Variants in FBH1 observed in about 807,000 individuals in gnomAD.
FBH1 encodes DNA 3'-5' helicase 1.
In FBH1, 43 loss-of-function variants were observed where a neutral mutation model predicts 115.5. That is an observed-to-expected ratio of 0.37 (90% CI 0.29 to 0.48). The LOEUF (loss-of-function observed/expected upper bound fraction) is 0.48. Ranked by LOEUF, FBH1 falls within the 20% of genes least tolerant of loss-of-function variation. FBH1 has a pLI of 0.99. For synonymous variants in FBH1, 524 were observed against 507.8 expected (o/e 1.03, Z -0.43); for missense variants, 1,001 against 1,337.3 (o/e 0.75, Z 3.92).
Position 5,936,339 on chromosome 10 carries a change from C to G in FBH1, c.2830-117C>G, listed in dbSNP as rs373893301. 33 of 1,233,664 alleles carry G rather than the reference C, an allele frequency of 2.7e-5. No homozygotes were observed. In the African/African-American group the frequency reaches 4.3e-4, roughly 16 times the overall value. 76.4% of individuals were successfully genotyped at this position (1,233,664 alleles called of 1,614,324 possible). On this transcript the variant is annotated intron_variant, in intron 19 of 20. Coordinates refer to ENST00000362091, the MANE Select transcript of FBH1 (RefSeq NM_178150.3). The surrounding 1 kb of genome is among the most constrained non-coding windows in gnomAD (Gnocchi z 5.6). ...GGAGAACGGGTTAGGCGGGGTTTTTCTCTCTGGGACTTACAGTGCATCTAA... is the reference window on the plus strand; with the variant it reads ...GGAGAACGGGTTAGGCGGGGTTTTTGTCTCTGGGACTTACAGTGCATCTAA...
intron 3 of FBH1, 56 bp from the exon 4 acceptor site, chr10:5,908,869 C>T (rs1340736677): frequency 2.5e-6 from 4 of 1,598,350 alleles, no homozygotes; most frequent in Non-Finnish European, 1.7e-6. Flanking sequence ...CCTCATTAAT[C>T]TGCTTTCTAA....
chr10:5,924,856 G>A lies in FBH1; in HGVS notation c.2596+348G>A. 1 of 412,502 alleles carries A rather than the reference G, an allele frequency of 2.4e-6. No homozygotes were observed. The highest frequency in any genetic ancestry group is 3.0e-5 in the Admixed American group (1 of 33,826). The allele number at this position is 412,502 out of a possible 1,614,324, so 25.6% of individuals were successfully genotyped here. On this transcript the variant is annotated intron_variant, in intron 17 of 20. Coordinates refer to ENST00000362091, the MANE Select transcript of FBH1 (RefSeq NM_178150.3). The surrounding 1 kb of genome is among the most constrained non-coding windows in gnomAD (Gnocchi z 6.2). ...GCTAGAATTACAGGCGTGAGCCACT[G>A]CGCCCAGCCTCTTCTGCTGTTTCTT...
intron 2 of FBH1, among the ~76,000 whole-genome samples, chr10:5,905,790 C>T (rs1025239755): frequency 3.3e-5 from 5 of 152,142 alleles, no homozygotes; most frequent in African/African-American, 1.2e-4. Context: ...GGGAGTATTG[C>T]TGGCCATCAC....
chr10:5,904,767 C>G (rs1458113914), intron 2 of FBH1, among the ~76,000 whole-genome samples: 1 of 151,940 alleles, frequency 6.6e-6, no homozygotes, highest in Non-Finnish European at 1.5e-5. Context: ...TGGATTTAAC[C>G]TGTAGTAATA....
intron 1 of FBH1, among the ~76,000 whole-genome samples, chr10:5,898,185 C>G (rs2131850863): frequency 6.6e-6 from 1 of 152,300 alleles, no homozygotes; most frequent in East Asian, 1.9e-4. Flanking sequence ...CGCTTATAAG[C>G]AGAAGTCTCT....
rs995901159 is a variant in FBH1, at chr10:5,913,276, T to C, written c.1212-471T>C. On this transcript the variant is annotated intron_variant, in intron 6 of 20. Coordinates refer to ENST00000362091, the MANE Select transcript of FBH1 (RefSeq NM_178150.3). The surrounding 1 kb of genome is among the most constrained non-coding windows in gnomAD (Gnocchi z 4.4). ...TTTCTTGGGACCTTAAAAGATAGAATGTGTTCATGCGTCTAAAGCAATGTC... is the reference window on the plus strand; with the variant it reads ...TTTCTTGGGACCTTAAAAGATAGAACGTGTTCATGCGTCTAAAGCAATGTC... Among the ~76,000 whole-genome samples the C allele has an allele frequency of 3.3e-5, 5 of 152,208 alleles. No individual in the cohort carries two copies. The highest frequency in any genetic ancestry group is 5.9e-5 in the Non-Finnish European group (4 of 68,042).
rs961080533 is a variant in FBH1 at position 5,910,884 on chromosome 10, G to A, written c.1021-54G>A. 63 of 1,500,806 alleles carry A rather than the reference G, an allele frequency of 4.2e-5. No individual in the cohort carries two copies. Among genetic ancestry groups the A allele is most frequent in the Middle Eastern group, 2.1e-4 (1 of 4,694 alleles). The allele number at this position is 1,500,806 out of a possible 1,614,324, so 93.0% of individuals were successfully genotyped here. ...TCCTGACTCCTTCCTGCTGTGATTC[G>A]TATTAACCATGGCCTGTGGGCTGTC... On this transcript the variant is annotated intron_variant, in intron 5 of 20. Coordinates refer to ENST00000362091, the MANE Select transcript of FBH1 (RefSeq NM_178150.3). The surrounding 1 kb of genome is among the most constrained non-coding windows in gnomAD (Gnocchi z 4.8).
Position 5,897,376 on chromosome 10 carries a change from G to A in FBH1, c.2-5644G>A, listed in dbSNP as rs1449292619. Among the ~76,000 whole-genome samples, 2 of 150,566 alleles carry A rather than the reference G, an allele frequency of 1.3e-5. No individual in the cohort carries two copies. Among genetic ancestry groups the A allele is most frequent in the Non-Finnish European group, 2.9e-5 (2 of 67,824 alleles). ...GTGTAAAGCGTGTAATTGCAGAGGA[G>A]GTGGACACAGGGCTCCTGCGGAGGA... On this transcript the variant is annotated intron_variant, in intron 1 of 20. Transcript: ENST00000362091. The surrounding 1 kb of genome is among the most constrained non-coding windows in gnomAD (Gnocchi z 4.7).
In FBH1 at chr10:5,913,988, C is replaced by G; in HGVS notation, c.1304+149C>G. On this transcript the variant is annotated intron_variant, in intron 7 of 20. Transcript: ENST00000362091. This position sits in a 1 kb window ranked among gnomAD's most constrained non-coding sequence, Gnocchi z 4.4. ...ACTCACCCATCCTAAGAGTGTGATT[C>G]AGTGACATTGCCTGAGCTGTGCATC... is the stretch of plus-strand genomic sequence containing the variant. 4.9e-6 allele frequency: 4 copies of G among 811,022 alleles called. No homozygotes were observed. In the East Asian group the frequency reaches 7.9e-5, roughly 16 times the overall value. 50.2% of individuals were successfully genotyped at this position (811,022 alleles called of 1,614,324 possible).
chr10:5,925,354 G>T lies in FBH1; in HGVS notation c.2597-13G>T, dbSNP rs1476779415. The T allele has an allele frequency of 3.1e-6, 5 of 1,613,770 alleles. No individual in the cohort carries two copies. The highest frequency in any genetic ancestry group is 3.3e-4 in the Middle Eastern group (2 of 6,062). ...TGAAGCACCATCTAACGTGTGCTGTGTTTTTATCCTAGAGTACATTCTGGG... is the reference window on the plus strand; with the variant it reads ...TGAAGCACCATCTAACGTGTGCTGTTTTTTTATCCTAGAGTACATTCTGGG... On this transcript the variant is annotated splice_polypyrimidine_tract_variant and intron_variant, in intron 17 of 20. Transcript: ENST00000362091. This position sits in a 1 kb window ranked among gnomAD's most constrained non-coding sequence, Gnocchi z 4.6.
intron 6 of FBH1, among the ~76,000 whole-genome samples, chr10:5,912,361 T>TAA (rs34703842): frequency 2.8e-4 from 39 of 138,394 alleles, no homozygotes; most frequent in East Asian, 1.5e-3. Flanking sequence ...AGGCTCTGTC[T>TAA]AAAAAAAAAA....
rs370009539 is a variant in FBH1 at position 5,914,295 on chromosome 10, G to C, written c.1396+26G>C. 1.9e-6 allele frequency: 3 copies of C among 1,606,202 alleles called. No homozygotes were observed. The highest frequency in any genetic ancestry group is 2.2e-5 in the South Asian group (2 of 90,872). On this transcript the variant is annotated intron_variant, in intron 8 of 20. Coordinates refer to ENST00000362091, the MANE Select transcript of FBH1 (RefSeq NM_178150.3). This position sits in a 1 kb window ranked among gnomAD's most constrained non-coding sequence, Gnocchi z 5.2. Reference sequence around the variant, plus strand: ...GTAAGGGAGCCCACATCAGGTTCACGAGGTGGTGGTTTTCTGCCTTTTCTC... The same window carrying C: ...GTAAGGGAGCCCACATCAGGTTCACCAGGTGGTGGTTTTCTGCCTTTTCTC...
In FBH1 at chr10:5,913,703, G is replaced by T. The variant is rs1313655986; in HGVS notation, c.1212-44G>T. 1.5e-6 allele frequency: 2 copies of T among 1,370,870 alleles called. No individual in the cohort carries two copies. Among genetic ancestry groups the T allele is most frequent in the South Asian group, 1.4e-5 (1 of 71,514 alleles). The allele number at this position is 1,370,870 out of a possible 1,614,324, so 84.9% of individuals were successfully genotyped here. A position where few individuals can be genotyped will look rare whatever the true frequency, so the allele number is the denominator to read the frequency against. Reference sequence around the variant, plus strand: ...TGAGGAAAAATAAGATGCAGATTGTGACTTGAATTTGAGACTTTCTAAATC... The same window carrying T: ...TGAGGAAAAATAAGATGCAGATTGTTACTTGAATTTGAGACTTTCTAAATC... On this transcript the variant is annotated intron_variant, in intron 6 of 20. Transcript: ENST00000362091. This position sits in a 1 kb window ranked among gnomAD's most constrained non-coding sequence, Gnocchi z 4.4.
rs141085096 is a variant in FBH1 at position 5,908,490 on chromosome 10, A to C, written c.754-435A>C. Among the ~76,000 whole-genome samples, 20 of 152,372 alleles carry C rather than the reference A, an allele frequency of 1.3e-4. No individual in the cohort carries two copies. The East Asian group carries it at 3.8e-3, about 29-fold the overall frequency. On this transcript the variant is annotated intron_variant, in intron 3 of 20. Coordinates refer to ENST00000362091, the MANE Select transcript of FBH1 (RefSeq NM_178150.3). ...GACCCAGTTCTCCTAGTTTCCAACA[A>C]AAATTTGTGTAACATTTCTGCCTGA...
At chr10:5,894,983 G>A (rs1842929120) in intron 1 of FBH1, 1 of 1,547,510 alleles carries the variant, frequency 6.5e-7, no homozygotes, top group East Asian at 2.3e-5. Flanking sequence ...TGGCTTGAGT[G>A]AATACTTTTA....
Position 5,925,848 on chromosome 10 carries a change from A to AT in FBH1, c.2722+363dup, listed in dbSNP as rs1832616241. ...ATATAGTTTACTTGCTTACCATGGCATTTTTTTCCTTTCATTAATTCCTCT... is the reference window on the plus strand; with the variant it reads ...ATATAGTTTACTTGCTTACCATGGCATTTTTTTTCCTTTCATTAATTCCTCT... On this transcript the variant is annotated intron_variant, in intron 18 of 20. Transcript: ENST00000362091. This position sits in a 1 kb window ranked among gnomAD's most constrained non-coding sequence, Gnocchi z 4.6. Among the ~76,000 whole-genome samples, 4 of 152,110 alleles carry AT rather than the reference A, an allele frequency of 2.6e-5. No homozygotes were observed. The highest frequency in any genetic ancestry group is 4.8e-5 in the African/African-American group (2 of 41,408).
Position 5,936,528 on chromosome 10 carries a change from T to C in FBH1, c.2902T>C (p.Cys968Arg), listed in dbSNP as rs1833367962. 6.2e-7 allele frequency: 1 copy of C among 1,614,072 alleles called. No individual in the cohort carries two copies. Among genetic ancestry groups the C allele is most frequent in the South Asian group, 1.1e-5 (1 of 91,084 alleles). The change falls in exon 20 of 21, where the codon TGC becomes CGC. Residue 968 changes from cysteine (C) to arginine (R), a missense_variant. By Grantham distance (180) the Cys-to-Arg change is radical (BLOSUM62 -3). Coordinates refer to ENST00000362091, the MANE Select transcript of FBH1 (RefSeq NM_178150.3). This position sits in a 1 kb window ranked among gnomAD's most constrained non-coding sequence, Gnocchi z 5.6. ...CGTGGTGCGCTGCTGCGTGGGACAG[T>C]GCAACAATGCCATCCCTGTTGACAC... ...TGVVRCCVGQ[C>R]NNAIPVDTVL...
At chr10:5,894,935 G>A (rs1006881721) in intron 1 of FBH1, 12 of 1,055,368 alleles carry the variant, frequency 1.1e-5, no homozygotes, top group Admixed American at 2.6e-5. Flanking sequence ...CAAGTATCTC[G>A]GGTGTACAGG....
rs1843069690 is a variant in FBH1 at position 5,897,355 on chromosome 10, A to G, written c.2-5665A>G. Among the ~76,000 whole-genome samples, 2 of 152,210 alleles carry G rather than the reference A, an allele frequency of 1.3e-5. No individual in the cohort carries two copies. The highest frequency in any genetic ancestry group is 4.8e-5 in the African/African-American group (2 of 41,460). On this transcript the variant is annotated intron_variant, in intron 1 of 20. Coordinates refer to ENST00000362091, the MANE Select transcript of FBH1 (RefSeq NM_178150.3). The surrounding 1 kb of genome is among the most constrained non-coding windows in gnomAD (Gnocchi z 4.7). ...GGGGCTTTAAGGGAACATTAAGTGTAAAGCGTGTAATTGCAGAGGAGGTGG... is the reference window on the plus strand; with the variant it reads ...GGGGCTTTAAGGGAACATTAAGTGTGAAGCGTGTAATTGCAGAGGAGGTGG...
Sources: gnomAD v4.1 joint callset for allele counts (sites outside exome capture counted in the v4.1 genomes callset) on GRCh38, gnomAD v4.1.1 for gene constraint, Gnocchi (gnomAD v3.1) non-coding constraint, MANE v1.5 for transcripts, NCBI Gene and HGNC (gene_info 2026-07-23, HGNC 2026-07-21) for gene names.